Variants in SPATS2L observed in about 807,000 individuals in gnomAD.
The protein encoded by SPATS2L is SPATS2-like protein.
Under a neutral mutation model 59.6 loss-of-function variants are expected in SPATS2L, and 30 were observed. That is an observed-to-expected ratio of 0.50 (90% CI 0.38 to 0.68). The LOEUF (loss-of-function observed/expected upper bound fraction) is 0.68, where lower values mean the gene tolerates loss of function less well. SPATS2L is among the 30% of genes least tolerant of loss of function. The pLI is 0.00. For missense variants in SPATS2L, 615 were observed against 700.0 expected (o/e 0.88, Z 1.37); for synonymous variants, 252 against 263.5 (o/e 0.96, Z 0.42).
chr2:200,392,279 G>A (rs1214332593), intron 3 of SPATS2L, among the ~76,000 whole-genome samples: 1 of 152,140 alleles, frequency 6.6e-6, no homozygotes, highest in Non-Finnish European at 1.5e-5. Context: ...TTGATCACCA[G>A]TGGCCAATGA....
At chr2:200,413,051 G>T (rs1481855551) in intron 4 of SPATS2L, among the ~76,000 whole-genome samples, 1 of 152,134 alleles carries the variant, frequency 6.6e-6, no homozygotes, top group Non-Finnish European at 1.5e-5. Flanking sequence ...CTGAGACCCT[G>T]TCTCAATAGA....
intron 2 of SPATS2L, among the ~76,000 whole-genome samples, chr2:200,375,198 C>T (rs1409901673): frequency 6.6e-6 from 1 of 152,184 alleles, no homozygotes; most frequent in East Asian, 1.9e-4. Flanking sequence ...GAAAATCCCT[C>T]TCTGTGCTGG....
intron 7 of SPATS2L, among the ~76,000 whole-genome samples, 176 bp downstream of exon 7, chr2:200,439,504 T>G (rs925531057): frequency 3.3e-5 from 5 of 152,198 alleles, no homozygotes; most frequent in Admixed American, 6.5e-5. Flanking sequence ...TCCCATGTAA[T>G]CAAAGGTCTT....
chr2:200,465,558 A>G (rs1008063228), intron 9 of SPATS2L, among the ~76,000 whole-genome samples: 11 of 152,206 alleles, frequency 7.2e-5, no homozygotes, highest in Non-Finnish European at 1.2e-4. Flanking sequence ...GCTCCTCTGT[A>G]TTCAGAAAGA....
chr2:200,432,045 T>TA (rs2083970008), intron 6 of SPATS2L, among the ~76,000 whole-genome samples: 1 of 152,182 alleles, frequency 6.6e-6, no homozygotes. Flanking sequence ...GCAAAGCATA[T>TA]CAAGAACTTT....
chr2:200,307,468 G>A (rs914091351), intron 1 of SPATS2L, among the ~76,000 whole-genome samples: 3 of 152,042 alleles, frequency 2.0e-5, no homozygotes, highest in African/African-American at 7.2e-5. Context: ...CGCCCAGCGG[G>A]AGTGGGATGC....
intron 9 of SPATS2L, among the ~76,000 whole-genome samples, chr2:200,466,485 A>G (rs2086612480): frequency 6.6e-6 from 1 of 152,250 alleles, no homozygotes; most frequent in Non-Finnish European, 1.5e-5. Context: ...ACACACACAG[A>G]CACAAACCAA....
chr2:200,365,372 A>G (rs1314900951), intron 2 of SPATS2L, among the ~76,000 whole-genome samples: 2 of 152,212 alleles, frequency 1.3e-5, no homozygotes, highest in African/African-American at 4.8e-5. Context: ...TGACAGCTGT[A>G]CCGGCTTGGC....
chr2:200,477,515 T>TTAAAAAAAAAAAAAA (rs2087629300), intron 12 of SPATS2L, 121 bp from the exon 13 acceptor site: 1 of 268,514 alleles, frequency 3.7e-6, no homozygotes, highest in Non-Finnish European at 5.9e-6. Flanking sequence ...TTCTGGTGTA[T>TTAAAAAAAAAAAAAA]AAAAAAAAAA....
At chr2:200,307,935 C>T (rs1007825227) in intron 1 of SPATS2L, among the ~76,000 whole-genome samples, 2 of 152,086 alleles carry the variant, frequency 1.3e-5, no homozygotes, top group Non-Finnish European at 2.9e-5. Flanking sequence ...AGTGAAAACC[C>T]TTGAACTTCA....
At chr2:200,328,581 C>T (rs1467549239) in intron 1 of SPATS2L, among the ~76,000 whole-genome samples, 1 of 152,172 alleles carries the variant, frequency 6.6e-6, no homozygotes, top group Admixed American at 6.5e-5. Flanking sequence ...AGGCCCCGTC[C>T]CCTTCTTTCC....
chr2:200,321,467 T>C lies in SPATS2L; in HGVS notation c.-72-7964T>C, dbSNP rs767955153. On this transcript the variant is annotated intron_variant, in intron 1 of 12. Transcript: ENST00000409140. ...GACCATAGCATATGCTCAGCAAATG[T>C]GAACTATTTTTATTATGCAGGTTTT... 2.0e-5 allele frequency among the ~76,000 whole-genome samples: 3 copies of C among 152,340 alleles called. No individual in the cohort carries two copies. The East Asian group carries it at 5.8e-4, about 29-fold the overall frequency.
intron 1 of SPATS2L, among the ~76,000 whole-genome samples, chr2:200,325,748 A>C (rs539503725): frequency 6.6e-6 from 1 of 152,030 alleles, no homozygotes; most frequent in African/African-American, 2.4e-5. Flanking sequence ...ATTTCTACTT[A>C]CTCTTTCTCT....
intron 6 of SPATS2L, among the ~76,000 whole-genome samples, chr2:200,422,010 C>T (rs2083325285): frequency 6.6e-6 from 1 of 152,156 alleles, no homozygotes; most frequent in Non-Finnish European, 1.5e-5. Flanking sequence ...ATAGAAGTGC[C>T]TCCCTTCCCA....
chr2:200,312,377 T>C (rs1014512908), intron 1 of SPATS2L, among the ~76,000 whole-genome samples: 14 of 152,188 alleles, frequency 9.2e-5, no homozygotes, highest in African/African-American at 3.4e-4. Context: ...CACTGTTATA[T>C]AGAACCCTCA....
In SPATS2L at chr2:200,319,798, A is replaced by G. The variant is rs535083375; in HGVS notation, c.-72-9633A>G. Reference sequence around the variant, plus strand: ...GCCTTTTTTCCTAACAACTGCTACAAAGCCAGGTCTCCTTTGTTCTTTACT... The same window carrying G: ...GCCTTTTTTCCTAACAACTGCTACAGAGCCAGGTCTCCTTTGTTCTTTACT... On this transcript the variant is annotated intron_variant, in intron 1 of 12. Transcript: ENST00000409140. Among the ~76,000 whole-genome samples, 6 of 152,298 alleles carry G rather than the reference A, an allele frequency of 3.9e-5. No homozygotes were observed. In the South Asian group the frequency reaches 1.0e-3, roughly 26 times the overall value.
intron 1 of SPATS2L, among the ~76,000 whole-genome samples, chr2:200,328,474 C>T (rs955717606): frequency 1.3e-5 from 2 of 152,130 alleles, no homozygotes; most frequent in African/African-American, 4.8e-5. Flanking sequence ...TTAGGTCAAT[C>T]CTCTTATTTA....
chr2:200,451,001 T>C (rs1332706815), intron 8 of SPATS2L, among the ~76,000 whole-genome samples: 3 of 152,212 alleles, frequency 2.0e-5, no homozygotes, highest in South Asian at 2.1e-4. Flanking sequence ...AAAGAACATA[T>C]GTGCTCAGGG....
At chr2:200,339,173 T>C (rs554493004) in intron 2 of SPATS2L, among the ~76,000 whole-genome samples, 2 of 152,148 alleles carry the variant, frequency 1.3e-5, no homozygotes, top group Non-Finnish European at 2.9e-5. Flanking sequence ...GGGCAAAGAG[T>C]AAATAAGACA....
Sources: allele counts gnomAD v4.1 joint callset (sites outside exome capture counted in the v4.1 genomes callset), GRCh38; gene constraint gnomAD v4.1.1; transcripts MANE v1.5; gene names NCBI Gene and HGNC (gene_info 2026-07-23, HGNC 2026-07-21).